Variants in ACO2 observed in about 807,000 individuals in gnomAD.
ACO2 encodes the protein aconitate hydratase, mitochondrial.
In ACO2, 31 loss-of-function variants were observed where a neutral mutation model predicts 84.5. The observed-to-expected ratio is 0.37, with a 90% CI of 0.28 to 0.50. The LOEUF is 0.50. Among genes scored for constraint, ACO2 ranks in the 20% least tolerant of loss-of-function variants. ACO2 has a pLI of 0.97. For missense variants in ACO2, 685 were observed against 1,029.3 expected, an observed-to-expected ratio of 0.67 and a Z score of 4.58; for synonymous variants, 414 against 412.7, an observed-to-expected ratio of 1.00 and a Z score of -0.04.
chr22:41,512,053 CA>C (rs1300366736), intron 4 of ACO2, 85 bp downstream of exon 4: 4 of 1,066,546 alleles, frequency 3.8e-6, no homozygotes, highest in Middle Eastern at 2.1e-4. Flanking sequence ...GTTTGAGGCC[CA>C]GGGGGGCTGA....
chr22:41,501,320 A>G (rs1267127123), intron 2 of ACO2, among the ~76,000 whole-genome samples: 1 of 152,178 alleles, frequency 6.6e-6, no homozygotes, highest in East Asian at 1.9e-4. Flanking sequence ...GATCTTGAGC[A>G]TGTCTTTTTT....
At position 41,511,866 on chromosome 22, in the gene ACO2, G is replaced by A; in HGVS notation, c.433-10G>A. ...GTTGCTAACGCCCAATTATTGATTT[G>A]TCTCAATAGGACATCAACCAGGAAG... On this transcript the variant is annotated splice_polypyrimidine_tract_variant and intron_variant, in intron 3 of 17. Transcript: ENST00000216254. 6.3e-7 allele frequency: 1 copy of A among 1,596,354 alleles called. No individual in the cohort carries two copies.
intron 1 of ACO2, among the ~76,000 whole-genome samples, chr22:41,494,219 T>G (rs1247126747): frequency 6.6e-6 from 1 of 152,136 alleles, no homozygotes; most frequent in African/African-American, 2.4e-5. Flanking sequence ...GTTAAATGAC[T>G]TGTCTGGGGC....
chr22:41,487,615 A>G (rs1042806003), intron 1 of ACO2, among the ~76,000 whole-genome samples: 1 of 152,178 alleles, frequency 6.6e-6, no homozygotes, highest in African/African-American at 2.4e-5. Flanking sequence ...CTTGGCATTC[A>G]TATCCTCATC....
chr22:41,478,161 C>T (rs2038042728), intron 1 of ACO2, among the ~76,000 whole-genome samples: 1 of 151,728 alleles, frequency 6.6e-6, no homozygotes, highest in Non-Finnish European at 1.5e-5. Context: ...ACCTTTTTTT[C>T]AAGATAGAGT....
At chr22:41,526,213 C>A in intron 14 of ACO2, 49 bp from the exon 15 acceptor site, 1 of 1,543,398 alleles carries the variant, frequency 6.5e-7, no homozygotes, top group Non-Finnish European at 8.8e-7. Context: ...TGTCATCCAC[C>A]CCTCCAGGGC....
chr22:41,502,641 C>T (rs2066361451), intron 2 of ACO2, among the ~76,000 whole-genome samples: 1 of 152,224 alleles, frequency 6.6e-6, no homozygotes, highest in Non-Finnish European at 1.5e-5. Flanking sequence ...CTGAGCCTCA[C>T]TCTGTCACCC....
intron 6 of ACO2, 108 bp from the exon 7 acceptor site, chr22:41,517,419 G>C: frequency 2.3e-6 from 2 of 858,548 alleles, no homozygotes; most frequent in South Asian, 2.9e-5. Flanking sequence ...CTGAGTGGGA[G>C]GAGAAGCAAT....
At chr22:41,481,168 G>T (rs572726666) in intron 1 of ACO2, among the ~76,000 whole-genome samples, 15 of 152,244 alleles carry the variant, frequency 9.9e-5, no homozygotes, top group African/African-American at 3.4e-4. Flanking sequence ...GCTCAGAGAG[G>T]TAAAGAATCT....
In ACO2 at chr22:41,520,230, G is replaced by A. The variant is rs1465441002; in HGVS notation, c.1092G>A (p.Val364=). The A allele has an allele frequency of 6.2e-7, 1 of 1,613,996 alleles. No homozygotes were observed. The highest frequency in any genetic ancestry group is 8.5e-7 in the Non-Finnish European group (1 of 1,179,952). ...TPDLAHPVAE[V]GKVAEKEGWP... ...ACCTGGCTCACCCTGTGGCAGAAGT[G>A]GGCAAGGTGGCAGAGAAGGAAGGAT... Residue 364 remains valine, a synonymous_variant, in exon 9 of 18, where the codon GTG becomes GTA. Coordinates refer to ENST00000216254, the MANE Select transcript of ACO2 (RefSeq NM_001098.3).
At chr22:41,508,082 T>C in intron 3 of ACO2, 33 bp downstream of exon 3, 2 of 1,584,554 alleles carry the variant, frequency 1.3e-6, no homozygotes, top group East Asian at 2.3e-5. Context: ...GGTGGGCAAG[T>C]GGGCAAGACT....
At chr22:41,482,369 C>T (rs1406499500) in intron 1 of ACO2, among the ~76,000 whole-genome samples, 1 of 152,224 alleles carries the variant, frequency 6.6e-6, no homozygotes, top group Non-Finnish European at 1.5e-5. Flanking sequence ...GCTGTTTGAC[C>T]TTAGGCAGGC....
At chr22:41,523,985 G>C in intron 12 of ACO2, 44 bp downstream of exon 12, 1 of 1,563,574 alleles carries the variant, frequency 6.4e-7, no homozygotes. Flanking sequence ...GGCCTCTGGG[G>C]GTCCCTGGCG....
At chr22:41,519,401 G>A (rs2066502914) in intron 8 of ACO2, among the ~76,000 whole-genome samples, 1 of 152,224 alleles carries the variant, frequency 6.6e-6, no homozygotes, top group African/African-American at 2.4e-5. Context: ...ATGAATTCAT[G>A]TAACTAACAC....
intron 1 of ACO2, among the ~76,000 whole-genome samples, chr22:41,474,592 CTTTTTTTTTTTT>C (rs34289556): frequency 3.4e-5 from 1 of 29,694 alleles, no homozygotes; most frequent in Non-Finnish European, 5.7e-5. Context: ...TGCGCCTAGC[CTTTTTTTTTTTT>C]TTTTTTTTTT....
intron 9 of ACO2, 29 bp downstream of exon 9, chr22:41,520,305 C>A: frequency 6.3e-7 from 1 of 1,578,130 alleles, no homozygotes; most frequent in Non-Finnish European, 8.7e-7. Flanking sequence ...ATCTGTTTAG[C>A]AGGTCTCAGG....
chr22:41,489,188 G>A (rs1181333625), intron 1 of ACO2, among the ~76,000 whole-genome samples: 3 of 152,052 alleles, frequency 2.0e-5, no homozygotes, highest in Admixed American at 6.5e-5. Flanking sequence ...GACTACAGGC[G>A]TGTGCCACCT....
Position 41,526,426 on chromosome 22 carries a change from C to G in ACO2, c.1926C>G (p.Pro642=), listed in dbSNP as rs150391290. 1.2e-6 allele frequency: 2 copies of G among 1,613,390 alleles called. No homozygotes were observed. The highest frequency in any genetic ancestry group is 2.7e-5 in the African/African-American group (2 of 74,950). The stretch of plus-strand genomic sequence containing the variant: ...ATGCCGTCACTCAGGAGTTTGGCCC[C>G]GTCCCTGACACTGCCCGCTACTACA... ...VRNAVTQEFG[P]VPDTARYYKK... is the part of the protein sequence containing the mutation. The change falls in exon 15 of 18, where the codon CCC becomes CCG. Residue 642 remains proline, a synonymous_variant. Coordinates refer to ENST00000216254, the MANE Select transcript of ACO2 (RefSeq NM_001098.3).
At chr22:41,493,199 G>T (rs919365721) in intron 1 of ACO2, among the ~76,000 whole-genome samples, 3 of 152,084 alleles carry the variant, frequency 2.0e-5, no homozygotes, top group Non-Finnish European at 4.4e-5. Flanking sequence ...TGACCTAATC[G>T]CCTCTTAAAG....
Sources: gnomAD v4.1 joint callset for allele counts (sites outside exome capture counted in the v4.1 genomes callset) on GRCh38, gnomAD v4.1.1 for gene constraint, MANE v1.5 for transcripts, NCBI Gene and HGNC (gene_info 2026-07-23, HGNC 2026-07-21) for gene names.